ARFIP1: variants seen among roughly 807,000 people sequenced by gnomAD.
ARFIP1 encodes the protein ARF interacting protein 1.
A neutral mutation model predicts 42.5 loss-of-function variants in ARFIP1; 24 were observed. The observed-to-expected ratio is 0.57, with a 90% CI of 0.41 to 0.80. The LOEUF is 0.80. Ranked by LOEUF, ARFIP1 falls within the 30% of genes least tolerant of loss-of-function variation. ARFIP1 has a pLI of 0.00. For missense variants in ARFIP1, 354 were observed against 434.0 expected (o/e 0.82, Z 1.64); for synonymous variants, 141 against 153.7 (o/e 0.92, Z 0.61).
intron 1 of ARFIP1, among the ~76,000 whole-genome samples, chr4:152,815,461 T>A (rs886241077): frequency 6.6e-6 from 1 of 152,230 alleles, no homozygotes; most frequent in African/African-American, 2.4e-5. Flanking sequence ...CAAGCTTTTG[T>A]CTGGACCTCA....
chr4:152,877,646 G>T (rs564911206), intron 5 of ARFIP1, among the ~76,000 whole-genome samples: 1 of 152,220 alleles, frequency 6.6e-6, no homozygotes, highest in South Asian at 2.1e-4. Flanking sequence ...GCCAGGGGTG[G>T]AATGATATGG....
chr4:152,906,197 C>G (rs1449992881), intron 8 of ARFIP1, among the ~76,000 whole-genome samples: 2 of 152,132 alleles, frequency 1.3e-5, no homozygotes, highest in Non-Finnish European at 2.9e-5. Flanking sequence ...TGAATCACTT[C>G]TCTGTCCACT....
At chr4:152,878,444 G>A (rs936065261) in intron 5 of ARFIP1, among the ~76,000 whole-genome samples, 1 of 152,110 alleles carries the variant, frequency 6.6e-6, no homozygotes, top group Non-Finnish European at 1.5e-5. Flanking sequence ...CTGATGAGTT[G>A]GGAAATTGGT....
intron 2 of ARFIP1, among the ~76,000 whole-genome samples, chr4:152,845,932 A>T (rs1732499956): frequency 6.6e-6 from 1 of 152,228 alleles, no homozygotes; most frequent in African/African-American, 2.4e-5. Flanking sequence ...ACAGAGTCAT[A>T]CAATCAATCT....
At chr4:152,888,472 C>T (rs1427561889) in intron 8 of ARFIP1, among the ~76,000 whole-genome samples, 165 bp downstream of exon 8, 5 of 152,108 alleles carry the variant, frequency 3.3e-5, no homozygotes, top group African/African-American at 1.2e-4. Flanking sequence ...ATATATTTAC[C>T]TTTCTTTGAT....
chr4:152,869,211 G>T (rs1734665288), intron 3 of ARFIP1, among the ~76,000 whole-genome samples: 2 of 151,992 alleles, frequency 1.3e-5, no homozygotes, highest in African/African-American at 4.8e-5. Flanking sequence ...TAATAGTAAA[G>T]AAAGTAGACA....
intron 4 of ARFIP1, among the ~76,000 whole-genome samples, chr4:152,871,249 A>G (rs1425382518): frequency 6.6e-6 from 1 of 152,164 alleles, no homozygotes; most frequent in Admixed American, 6.5e-5. Context: ...GAATGGATTA[A>G]ATGAAAAAGG....
At chr4:152,790,228 A>T (rs1183209327) in intron 1 of ARFIP1, among the ~76,000 whole-genome samples, 3 of 152,240 alleles carry the variant, frequency 2.0e-5, no homozygotes, top group African/African-American at 7.2e-5. Flanking sequence ...TTGGGAATTT[A>T]GTAACAAAAA....
intron 3 of ARFIP1, among the ~76,000 whole-genome samples, chr4:152,864,705 G>T (rs1734175254): frequency 6.6e-6 from 1 of 152,134 alleles, no homozygotes; most frequent in Admixed American, 6.5e-5. Context: ...CAGGTAAACA[G>T]CTTAAGCACA....
In ARFIP1 at chr4:152,911,413, GA is replaced by G. The variant is rs1255199070; in HGVS notation, c.*1196del. On this transcript the variant is annotated 3_prime_UTR_variant, in exon 9 of 9. Transcript: ENST00000353617. ...ATTTGGGACAGTGTGGTGGTACCAGGAAGAAAGAGGATTGGAAAGGCCAGTA... is the reference window on the plus strand; with the variant it reads ...ATTTGGGACAGTGTGGTGGTACCAGGAGAAAGAGGATTGGAAAGGCCAGTA... The G allele has an allele frequency of 6.6e-6, 1 of 152,356 alleles. No individual in the cohort carries two copies. Among genetic ancestry groups the G allele is most frequent in the Non-Finnish European group, 1.5e-5 (1 of 68,028 alleles). 9.4% of individuals were successfully genotyped at this position (152,356 alleles called of 1,614,324 possible).
intron 6 of ARFIP1, among the ~76,000 whole-genome samples, 175 bp downstream of exon 6, chr4:152,881,359 GTTAAC>G (rs1026563332): frequency 3.3e-5 from 5 of 152,070 alleles, no homozygotes; most frequent in South Asian, 4.2e-4. Flanking sequence ...TATGACTTCT[GTTAAC>G]TTTACTTTTT....
intron 5 of ARFIP1, among the ~76,000 whole-genome samples, chr4:152,880,683 T>G (rs1735763344): frequency 6.6e-6 from 1 of 152,244 alleles, no homozygotes; most frequent in Non-Finnish European, 1.5e-5. Context: ...TTAGATAATC[T>G]ACCCAAATGT....
At chr4:152,793,405 A>G (rs1731249724) in intron 1 of ARFIP1, among the ~76,000 whole-genome samples, 1 of 150,760 alleles carries the variant, frequency 6.6e-6, no homozygotes, top group Non-Finnish European at 1.5e-5. Context: ...ATGTTTCTCT[A>G]TCTGCCTTGA....
At chr4:152,787,875 G>A (rs951786797) in intron 1 of ARFIP1, among the ~76,000 whole-genome samples, 1 of 152,194 alleles carries the variant, frequency 6.6e-6, no homozygotes, top group African/African-American at 2.4e-5. Context: ...TTTTGGAAAA[G>A]GGATAATCAA....
In ARFIP1 at chr4:152,912,093, C is replaced by T. The variant is rs923916256; in HGVS notation, c.*1874C>T. The T allele has an allele frequency of 1.3e-5, 2 of 152,106 alleles. No homozygotes were observed. Among genetic ancestry groups the T allele is most frequent in the African/African-American group, 2.4e-5 (1 of 41,388 alleles). The allele number at this position is 152,106 out of a possible 1,614,324, so 9.4% of individuals were successfully genotyped here. ...GAGAGCTGAACATGTCCATTCTTAA[C>T]CACATTTCAATAACAGTTACTGTAG... On this transcript the variant is annotated 3_prime_UTR_variant, in exon 9 of 9. Coordinates refer to ENST00000353617, the MANE Select transcript of ARFIP1 (RefSeq NM_001025595.3).
intron 7 of ARFIP1, among the ~76,000 whole-genome samples, chr4:152,887,386 T>G (rs1179577733): frequency 6.6e-6 from 1 of 152,002 alleles, no homozygotes; most frequent in Non-Finnish European, 1.5e-5. Flanking sequence ...GTTACAGAAA[T>G]TCATCTAGAG....
intron 2 of ARFIP1, among the ~76,000 whole-genome samples, chr4:152,854,149 G>T (rs1049708844): frequency 6.6e-6 from 1 of 151,938 alleles, no homozygotes; most frequent in Non-Finnish European, 1.5e-5. Flanking sequence ...CTGACCTCAG[G>T]TGATCCACCT....
At chr4:152,876,382 G>C (rs1045513221) in intron 5 of ARFIP1, among the ~76,000 whole-genome samples, 2 of 152,174 alleles carry the variant, frequency 1.3e-5, no homozygotes, top group Non-Finnish European at 2.9e-5. Flanking sequence ...AGAGACTGGC[G>C]GCATTTTGCC....
In ARFIP1 at chr4:152,824,977, A is replaced by G. The variant is rs868722144; in HGVS notation, c.-9-4648A>G. On this transcript the variant is annotated intron_variant, in intron 1 of 8. Coordinates refer to ENST00000353617, the MANE Select transcript of ARFIP1 (RefSeq NM_001025595.3). ...ATACACACACGCACACCACACATAC[A>G]TACACACACACACACATACATATAC... Among the ~76,000 whole-genome samples, 12 of 151,426 alleles carry G rather than the reference A, an allele frequency of 7.9e-5. 1 individual carries two copies. In the Middle Eastern group the frequency reaches 0.024, roughly 300 times the overall value.
Sources: gnomAD v4.1 joint callset for allele counts (sites outside exome capture counted in the v4.1 genomes callset) on GRCh38, gnomAD v4.1.1 for gene constraint, MANE v1.5 for transcripts, NCBI Gene and HGNC (gene_info 2026-07-23, HGNC 2026-07-21) for gene names.